Variants in VPS13B observed in about 807,000 individuals in gnomAD.
The protein encoded by VPS13B is vacuolar protein sorting 13 homolog B, also known as intermembrane lipid transfer protein VPS13B.
In VPS13B, 285 loss-of-function variants were observed where a neutral mutation model predicts 426.4. That is an observed-to-expected ratio of 0.67 (90% CI 0.61 to 0.74). The LOEUF (loss-of-function observed/expected upper bound fraction) is 0.74. Among genes scored for constraint, VPS13B ranks in the 30% least tolerant of loss-of-function variants. VPS13B has a pLI of 0.00. For missense variants in VPS13B, 4,537 were observed against 4,782.6 expected, an observed-to-expected ratio of 0.95 and a Z score of 1.51; for synonymous variants, 1,676 against 1,676.4, an observed-to-expected ratio of 1.00 and a Z score of 0.01.
chr8:99,520,446 T>C (rs571096772), intron 29 of VPS13B, among the ~76,000 whole-genome samples: 4 of 151,526 alleles, frequency 2.6e-5, no homozygotes, highest in African/African-American at 7.3e-5. Flanking sequence ...TTAATTATTA[T>C]TTAGCATGTA....
chr8:99,671,143 A>G (rs1211841733), intron 35 of VPS13B, among the ~76,000 whole-genome samples: 1 of 152,116 alleles, frequency 6.6e-6, no homozygotes, highest in East Asian at 1.9e-4. Context: ...CCTTGCCAAC[A>G]CTTGTTATGT....
intron 2 of VPS13B, among the ~76,000 whole-genome samples, chr8:99,029,776 G>C (rs924190656): frequency 2.0e-5 from 3 of 149,634 alleles, no homozygotes; most frequent in Non-Finnish European, 4.4e-5. Flanking sequence ...GAAGGAGACC[G>C]TGGAAAGAGG....
At chr8:99,805,347 A>G (rs1813345785) in intron 43 of VPS13B, among the ~76,000 whole-genome samples, 1 of 152,070 alleles carries the variant, frequency 6.6e-6, no homozygotes, top group South Asian at 2.1e-4. Context: ...TGAAATATGT[A>G]ACTTCACAAA....
At chr8:99,437,962 GCTTTTTTTT>G (rs1377633471) in intron 22 of VPS13B, among the ~76,000 whole-genome samples, 1 of 150,358 alleles carries the variant, frequency 6.7e-6, no homozygotes, top group Non-Finnish European at 1.5e-5. Flanking sequence ...GCCAGACTTA[GCTTTTTTTT>G]TGGTCATTTA....
intron 21 of VPS13B, among the ~76,000 whole-genome samples, chr8:99,396,798 A>T (rs1348979646): frequency 6.6e-6 from 1 of 152,154 alleles, no homozygotes; most frequent in East Asian, 1.9e-4. Context: ...GTGCCACTTC[A>T]CTGATGCACA....
intron 6 of VPS13B, 143 bp from the exon 7 acceptor site, chr8:99,115,557 A>G: frequency 2.4e-6 from 2 of 820,316 alleles, no homozygotes; most frequent in Non-Finnish European, 3.8e-6. Flanking sequence ...TCTTAGAGTA[A>G]GTATTGTTTT....
intron 22 of VPS13B, among the ~76,000 whole-genome samples, chr8:99,433,016 A>T (rs902633285): frequency 6.6e-6 from 1 of 152,228 alleles, no homozygotes; most frequent in Admixed American, 6.5e-5. Flanking sequence ...TAATTTGACT[A>T]TAATGGTGAT....
chr8:99,089,635 TAAGG>T (rs1250619716), intron 3 of VPS13B, among the ~76,000 whole-genome samples: 3 of 152,158 alleles, frequency 2.0e-5, no homozygotes, highest in African/African-American at 7.2e-5. Flanking sequence ...TGAGTTCAGA[TAAGG>T]GATTGTGGAG....
At chr8:99,563,001 A>G (rs1825011321) in intron 31 of VPS13B, among the ~76,000 whole-genome samples, 1 of 152,076 alleles carries the variant, frequency 6.6e-6, no homozygotes, top group Non-Finnish European at 1.5e-5. Context: ...CAACAACAAC[A>G]CAATTTTTTT....
At chr8:99,116,865 T>C (rs1276402767) in intron 7 of VPS13B, among the ~76,000 whole-genome samples, 1 of 152,230 alleles carries the variant, frequency 6.6e-6, no homozygotes, top group Non-Finnish European at 1.5e-5. Context: ...ATTAATGAAA[T>C]GTATACTTCA....
chr8:99,071,130 G>A (rs1210227519), intron 3 of VPS13B, among the ~76,000 whole-genome samples: 1 of 152,082 alleles, frequency 6.6e-6, no homozygotes, highest in Non-Finnish European at 1.5e-5. Context: ...ATGTTTTGCT[G>A]TATGGCCTTG....
chr8:99,804,639 T>C (rs766712761), intron 43 of VPS13B, among the ~76,000 whole-genome samples: 3 of 152,190 alleles, frequency 2.0e-5, no homozygotes, highest in Non-Finnish European at 4.4e-5. Flanking sequence ...TCAACAAATA[T>C]TTATTGAATG....
chr8:99,737,106 CTTTTTTTTTTTTTT>C (rs386413466), intron 39 of VPS13B, among the ~76,000 whole-genome samples: 17 of 44,362 alleles, frequency 3.8e-4, no homozygotes, highest in East Asian at 8.6e-4. Flanking sequence ...AGATGTCCTT[CTTTTTTTTTTTTTT>C]TTTTTTTTTT....
chr8:99,245,461 A>G (rs1179783250), intron 17 of VPS13B, among the ~76,000 whole-genome samples: 1 of 152,200 alleles, frequency 6.6e-6, no homozygotes, highest in East Asian at 1.9e-4. Context: ...ATCTGAATGA[A>G]CTTGTCAATA....
intron 19 of VPS13B, chr8:99,340,211 G>C (rs1372882077): frequency 5.6e-6 from 1 of 177,374 alleles, no homozygotes; most frequent in Non-Finnish European, 1.2e-5. Flanking sequence ...TTGTGCTCTG[G>C]GTAAATAAGA....
chr8:99,023,246 A>C, intron 2 of VPS13B, among the ~76,000 whole-genome samples: 1 of 146,740 alleles, frequency 6.8e-6, no homozygotes, highest in African/African-American at 2.5e-5. Context: ...CCTAGTCCCC[A>C]TTTTTTCTTT....
intron 33 of VPS13B, among the ~76,000 whole-genome samples, chr8:99,581,820 A>G (rs1165028703): frequency 6.6e-6 from 1 of 152,214 alleles, no homozygotes. Flanking sequence ...ATATTCAAAA[A>G]TCAAAATGCA....
At chr8:99,500,067 G>A (rs903984596) in intron 25 of VPS13B, among the ~76,000 whole-genome samples, 7 of 152,096 alleles carry the variant, frequency 4.6e-5, no homozygotes, top group Non-Finnish European at 8.8e-5. Context: ...GGTTTGTTTT[G>A]TACAGGATTT....
At chr8:99,532,198 T>A (rs1489042935) in intron 30 of VPS13B, among the ~76,000 whole-genome samples, 1 of 152,160 alleles carries the variant, frequency 6.6e-6, no homozygotes, top group Non-Finnish European at 1.5e-5. Context: ...ATTCCATAGC[T>A]CCTTTTTAAA....
Sources: allele counts gnomAD v4.1 joint callset (sites outside exome capture counted in the v4.1 genomes callset), GRCh38; gene constraint gnomAD v4.1.1; transcripts MANE v1.5; gene names NCBI Gene and HGNC (gene_info 2026-07-23, HGNC 2026-07-21).